The following BRMS1L variants were observed in gnomAD, a reference collection of about 807,000 sequenced individuals.
BRMS1L encodes BRMS1 like transcriptional repressor, also known as breast cancer metastasis-suppressor 1-like protein.
In BRMS1L, 23 loss-of-function variants were observed where a neutral mutation model predicts 50.3. The observed-to-expected ratio is 0.46, with a 90% CI of 0.33 to 0.65. BRMS1L has a LOEUF of 0.65. Among genes scored for constraint, BRMS1L ranks in the 30% least tolerant of loss-of-function variants. BRMS1L has a pLI of 0.02. For missense variants in BRMS1L, 286 were observed against 386.1 expected (o/e 0.74, Z 2.17); for synonymous variants, 114 against 126.9 (o/e 0.90, Z 0.69).
At chr14:35,846,342 G>A (rs2078133999) in intron 4 of BRMS1L, among the ~76,000 whole-genome samples, 1 of 151,332 alleles carries the variant, frequency 6.6e-6, no homozygotes, top group Non-Finnish European at 1.5e-5. Flanking sequence ...GCTGCAGTGA[G>A]CCATGATCGT....
rs7151567 is a variant in BRMS1L, at chr14:35,868,509, G to T, written c.854+477G>T. Among the ~76,000 whole-genome samples, 4 of 152,284 alleles carry T rather than the reference G, an allele frequency of 2.6e-5. No individual in the cohort carries two copies. In the South Asian group the frequency reaches 8.3e-4, roughly 32 times the overall value. On this transcript the variant is annotated intron_variant, in intron 9 of 9. Coordinates refer to ENST00000216807, the MANE Select transcript of BRMS1L (RefSeq NM_032352.4). The stretch of plus-strand genomic sequence containing the variant: ...TAATTAAAGTATAATCTAGGGCTGG[G>T]TGCAGTGGCTGACATCTGTAATTCC...
At chr14:35,865,933 A>G in intron 8 of BRMS1L, 172 bp downstream of exon 8, 1 of 602,162 alleles carries the variant, frequency 1.7e-6, no homozygotes, top group Non-Finnish European at 2.9e-6. Context: ...AAAAGTTTCA[A>G]AATTTCTGAA....
At chr14:35,833,311 A>C (rs2077949684) in intron 3 of BRMS1L, among the ~76,000 whole-genome samples, 1 of 152,054 alleles carries the variant, frequency 6.6e-6, no homozygotes, top group Admixed American at 6.6e-5. Context: ...TTAAAAAAAA[A>C]AAAAGCCCTC....
chr14:35,869,880 A>G (rs761223991), intron 9 of BRMS1L, among the ~76,000 whole-genome samples: 77 of 152,228 alleles, frequency 5.1e-4, no homozygotes, highest in South Asian at 2.7e-3. Context: ...AATTAAAAAA[A>G]GAATAAAATA....
In BRMS1L at chr14:35,864,939, A is replaced by G. The variant is rs778754923; in HGVS notation, c.627A>G (p.Pro209=). Residue 209 remains proline, a synonymous_variant, in exon 7 of 10, where the codon CCA becomes CCG. Transcript: ENST00000216807. Reference sequence around the variant, plus strand: ...AATTGACCTTGACTATTCAACGTCCATATATAGTTTATATGCTACAAGATC... The same window carrying G: ...AATTGACCTTGACTATTCAACGTCCGTATATAGTTTATATGCTACAAGATC... ...DKKKPVVVSG[P]YIVYMLQDLD... 18 of 1,572,152 alleles carry G rather than the reference A, an allele frequency of 1.1e-5. No individual in the cohort carries two copies. Among genetic ancestry groups the G allele is most frequent in the Middle Eastern group, 1.7e-4 (1 of 5,960 alleles).
intron 4 of BRMS1L, among the ~76,000 whole-genome samples, chr14:35,835,689 A>C (rs1469254903): frequency 6.6e-6 from 1 of 152,154 alleles, no homozygotes; most frequent in Non-Finnish European, 1.5e-5. Context: ...TACAAAAAAT[A>C]GAAAAATTAG....
In BRMS1L at chr14:35,862,587, C is replaced by T. The variant is rs2142061805; in HGVS notation, c.442-3C>T. On this transcript the variant is annotated splice_polypyrimidine_tract_variant and splice_region_variant and intron_variant, in intron 4 of 9. Transcript: ENST00000216807. ...CTTAAGTATAATCTGTTTTTCTCCC[C>T]AGAGCGAAAAGCTGTTGCTATATGA... 5 of 1,567,328 alleles carry T rather than the reference C, an allele frequency of 3.2e-6. No individual in the cohort carries two copies. The highest frequency in any genetic ancestry group is 4.3e-6 in the Non-Finnish European group (5 of 1,157,182).
intron 4 of BRMS1L, among the ~76,000 whole-genome samples, chr14:35,860,285 A>T (rs1250444030): frequency 6.6e-6 from 1 of 151,936 alleles, no homozygotes; most frequent in Non-Finnish European, 1.5e-5. Context: ...GTCTACCACC[A>T]TGTCTGGATA....
At chr14:35,852,276 A>G (rs186819189) in intron 4 of BRMS1L, among the ~76,000 whole-genome samples, 81 of 152,338 alleles carry the variant, frequency 5.3e-4, no homozygotes, top group African/African-American at 1.9e-3. Context: ...TCATGGTCAT[A>G]CCCACTGTAG....
chr14:35,829,563 T>G (rs1412139686), intron 1 of BRMS1L, among the ~76,000 whole-genome samples: 2 of 152,244 alleles, frequency 1.3e-5, no homozygotes, highest in East Asian at 3.8e-4. Flanking sequence ...ACTTTCACAG[T>G]GTTTTCTTCT....
intron 4 of BRMS1L, among the ~76,000 whole-genome samples, chr14:35,852,990 GTATCTATCTATC>G (rs72342569): frequency 6.7e-6 from 1 of 148,734 alleles, no homozygotes; most frequent in Non-Finnish European, 1.5e-5. Context: ...CTTTATATCT[GTATCTATCTATC>G]TATCTATCTA....
chr14:35,835,996 G>A (rs1364936572), intron 4 of BRMS1L, among the ~76,000 whole-genome samples: 3 of 152,168 alleles, frequency 2.0e-5, no homozygotes, highest in African/African-American at 7.2e-5. Flanking sequence ...TTAATGTGCC[G>A]TAAACTAAGA....
intron 4 of BRMS1L, among the ~76,000 whole-genome samples, chr14:35,849,995 G>A (rs542369494): frequency 1.3e-5 from 2 of 150,774 alleles, no homozygotes; most frequent in South Asian, 4.2e-4. Context: ...AATATTTTTT[G>A]TATTTCTAGT....
At chr14:35,865,378 G>A (rs2078407911) in intron 7 of BRMS1L, among the ~76,000 whole-genome samples, 1 of 152,136 alleles carries the variant, frequency 6.6e-6, no homozygotes, top group Non-Finnish European at 1.5e-5. Flanking sequence ...ACCCTTATGT[G>A]TCTTGCATCC....
chr14:35,855,739 A>G (rs2078271381), intron 4 of BRMS1L, among the ~76,000 whole-genome samples: 2 of 152,182 alleles, frequency 1.3e-5, no homozygotes, highest in Non-Finnish European at 2.9e-5. Context: ...CAGTAGTTCA[A>G]AGACATTCTA....
chr14:35,856,588 G>T (rs1487737984), intron 4 of BRMS1L, among the ~76,000 whole-genome samples: 2 of 150,558 alleles, frequency 1.3e-5, no homozygotes, highest in Non-Finnish European at 2.9e-5. Flanking sequence ...GGTAATCACT[G>T]TTAATAAGTA....
intron 1 of BRMS1L, 199 bp downstream of exon 1, chr14:35,826,857 G>T: frequency 1.3e-6 from 1 of 751,182 alleles, no homozygotes; most frequent in Non-Finnish European, 2.0e-6. Flanking sequence ...CGGCGGCGGG[G>T]CGGGGCGGGC....
At chr14:35,836,354 T>C (rs1470010348) in intron 4 of BRMS1L, among the ~76,000 whole-genome samples, 1 of 152,164 alleles carries the variant, frequency 6.6e-6, no homozygotes, top group East Asian at 1.9e-4. Flanking sequence ...TTTTCTTTTG[T>C]TTTGAGACAG....
intron 3 of BRMS1L, among the ~76,000 whole-genome samples, chr14:35,834,587 G>A (rs2077967783): frequency 6.6e-6 from 1 of 152,094 alleles, no homozygotes; most frequent in Non-Finnish European, 1.5e-5. Context: ...AAACATTTAG[G>A]AGTAATCTTT....
Sources: gnomAD v4.1 joint callset for allele counts (sites outside exome capture counted in the v4.1 genomes callset) on GRCh38, gnomAD v4.1.1 for gene constraint, MANE v1.5 for transcripts, NCBI Gene and HGNC (gene_info 2026-07-23, HGNC 2026-07-21) for gene names.